PRELID1: variants seen among roughly 807,000 people sequenced by gnomAD.
PRELID1 encodes PRELI domain-containing protein 1, mitochondrial.
A neutral mutation model predicts 29.0 loss-of-function variants in PRELID1; 15 were observed. The observed-to-expected ratio is 0.52, with a 90% CI of 0.35 to 0.80. The LOEUF is 0.80. PRELID1 is among the 30% of genes least tolerant of loss of function. The probability of loss-of-function intolerance (pLI) is 0.01; values close to 1 mark genes in which losing one functional copy is unlikely to be tolerated. For missense variants in PRELID1, 187 were observed against 275.9 expected, an observed-to-expected ratio of 0.68 and a Z score of 2.28; for synonymous variants, 79 against 106.5, an observed-to-expected ratio of 0.74 and a Z score of 1.59.
chr5:177,305,700 G>A (rs370612149), intron 2 of PRELID1, 171 bp from the exon 3 acceptor site: 14 of 620,582 alleles, frequency 2.3e-5, no homozygotes, highest in East Asian at 8.3e-5. Context: ...AGAGCAAAAC[G>A]ACCTTATTTA....
chr5:177,305,292 C>T (rs754308364), intron 2 of PRELID1, among the ~76,000 whole-genome samples: 23 of 151,942 alleles, frequency 1.5e-4, no homozygotes, highest in Non-Finnish European at 3.1e-4. Context: ...CTGCCACTGC[C>T]ACCTCCTGGG....
chr5:177,305,732 C>T, intron 2 of PRELID1, 139 bp from the exon 3 acceptor site: 1 of 701,102 alleles, frequency 1.4e-6, no homozygotes. Flanking sequence ...TCTGTCAGTG[C>T]CACTTGGAGG....
Position 177,306,728 on chromosome 5 carries a change from A to G in PRELID1, c.*158A>G, listed in dbSNP as rs1760888296. The stretch of plus-strand genomic sequence containing the variant: ...TTGGCATCTGCAGTACACCAAGCAC[A>G]TGATTCATGTCTGAGCCAGGTCTGC... On this transcript the variant is annotated 3_prime_UTR_variant, in exon 5 of 5. Transcript: ENST00000303204. 4.3e-6 allele frequency: 5 copies of G among 1,154,558 alleles called. No homozygotes were observed. Among genetic ancestry groups the G allele is most frequent in the Middle Eastern group, 2.0e-4 (1 of 4,890 alleles). The allele number at this position is 1,154,558 out of a possible 1,614,324, so 71.5% of individuals were successfully genotyped here. A position where few individuals can be genotyped will look rare whatever the true frequency, so the allele number is the denominator to read the frequency against.
rs201454101 is a variant in PRELID1 at position 177,306,068 on chromosome 5, A to G, written c.433-30A>G. ...CTGGGCTGGGGTCAGTGGGCAACTC[A>G]GTATCCTTCCCATTCTCATCTCATG... On this transcript the variant is annotated intron_variant, in intron 3 of 4. Coordinates refer to ENST00000303204, the MANE Select transcript of PRELID1 (RefSeq NM_013237.4). 44 of 1,603,012 alleles carry G rather than the reference A, an allele frequency of 2.7e-5. No homozygotes were observed. In the East Asian group the frequency reaches 8.7e-4, roughly 32 times the overall value.
chr5:177,305,699 C>T lies in PRELID1; in HGVS notation c.319-172C>T, dbSNP rs542591923. On this transcript the variant is annotated intron_variant, in intron 2 of 4. Transcript: ENST00000303204. ...AGAAGAGAGGTTTTCGAGAGCAAAA[C>T]GACCTTATTTATGGCTTCTTGTTCT... is the stretch of plus-strand genomic sequence containing the variant. The T allele has an allele frequency of 5.5e-5, 34 of 620,834 alleles. No individual in the cohort carries two copies. In the East Asian group the frequency reaches 8.8e-4, roughly 16 times the overall value. The allele number at this position is 620,834 out of a possible 1,614,324, so 38.5% of individuals were successfully genotyped here.
chr5:177,304,239 G>A, intron 1 of PRELID1, 162 bp downstream of exon 1: 1 of 691,714 alleles, frequency 1.4e-6, no homozygotes, highest in South Asian at 1.8e-5. Context: ...CTGAAGGGAG[G>A]TTGGGCCTGG....
intron 4 of PRELID1, 60 bp downstream of exon 4, chr5:177,306,236 G>A (rs746400035): frequency 1.6e-5 from 25 of 1,580,736 alleles, no homozygotes; most frequent in Admixed American, 8.3e-5. Context: ...CCTAGCGGGC[G>A]TGGAGTCTGG....
intron 1 of PRELID1, 88 bp downstream of exon 1, chr5:177,304,165 G>T (rs1483961151): frequency 1.6e-6 from 2 of 1,265,636 alleles, no homozygotes; most frequent in African/African-American, 1.5e-5. Flanking sequence ...GGACCAGGAA[G>T]GACTCGATAT....
intron 2 of PRELID1, chr5:177,305,612 T>G (rs931155235): frequency 2.2e-5 from 11 of 491,416 alleles, no homozygotes; most frequent in African/African-American, 2.1e-4. Flanking sequence ...AGGAGCAGGA[T>G]GGGCTGGAAG....
chr5:177,305,051 C>T (rs1369334606), intron 2 of PRELID1, among the ~76,000 whole-genome samples: 1 of 152,160 alleles, frequency 6.6e-6, no homozygotes, highest in Non-Finnish European at 1.5e-5. Context: ...TGGACCTGTC[C>T]TTTGACTCAT....
Position 177,304,751 on chromosome 5 carries a change from T to G in PRELID1, c.219T>G (p.Asn73Lys), listed in dbSNP as rs1760811821. The G allele has an allele frequency of 6.2e-7, 1 of 1,613,796 alleles. No individual in the cohort carries two copies. Reference sequence around the variant, plus strand: ...GGGCCGAGCGACTATTTCCTGCCAATGTTGCTCACTCGGTGTACGTCCTGG... The same window carrying G: ...GGGCCGAGCGACTATTTCCTGCCAAGGTTGCTCACTCGGTGTACGTCCTGG... ...PRWAERLFPA[N>K]VAHSVYVLED... The change falls in exon 2 of 5, where the codon AAT becomes AAG. Residue 73 changes from asparagine to lysine, a missense_variant. By Grantham distance (94) the Asn-to-Lys change is moderately conservative. Coordinates refer to ENST00000303204, the MANE Select transcript of PRELID1 (RefSeq NM_013237.4).
At position 177,306,522 on chromosome 5, in the gene PRELID1, C is replaced by G. The variant is rs144966419; in HGVS notation, c.612C>G (p.Ala204=). Residue 204 remains alanine, a synonymous_variant, in exon 5 of 5, where the codon GCC becomes GCG. Transcript: ENST00000303204. ...CTACAGAGAAGGCCAAGGACCTCGC[C>G]AGCAAGGCGGCCACCAAGAAGCAGC... is the stretch of plus-strand genomic sequence containing the variant. ...LAATEKAKDL[A]SKAATKKQQQ... The G allele has an allele frequency of 1.7e-3, 2,805 of 1,612,642 alleles. 31 individuals carry two copies. In the African/African-American group the frequency reaches 0.031, roughly 18 times the overall value.
At chr5:177,305,822 G>C (rs1343589394) in intron 2 of PRELID1, 49 bp from the exon 3 acceptor site, 2 of 1,525,516 alleles carry the variant, frequency 1.3e-6, no homozygotes, top group African/African-American at 2.7e-5. Flanking sequence ...TTATGTGCAA[G>C]TTGGCAAAAT....
intron 2 of PRELID1, chr5:177,305,612 T>C (rs931155235): frequency 6.1e-6 from 3 of 491,416 alleles, no homozygotes; most frequent in Non-Finnish European, 1.1e-5. Context: ...AGGAGCAGGA[T>C]GGGCTGGAAG....
In PRELID1 at chr5:177,306,948, C is replaced by T. The variant is rs1470244850; in HGVS notation, c.*378C>T. On this transcript the variant is annotated 3_prime_UTR_variant, in exon 5 of 5. Transcript: ENST00000303204. ...ACACTCAATAAATACTTGTTGAATT[C>T]AGTTGGCCCCAGCTCTGGAGTCGGA... 1.0e-6 allele frequency: 1 copy of T among 971,060 alleles called. No homozygotes were observed. Among genetic ancestry groups the T allele is most frequent in the Admixed American group, 3.0e-5 (1 of 33,542 alleles). 60.2% of individuals were successfully genotyped at this position (971,060 alleles called of 1,614,324 possible).
rs1382338848 is a variant in PRELID1, at chr5:177,306,047, G to A, written c.433-51G>A. ...CCAGTGCTTTCGGTGTTGGGGCTGG[G>A]CTGGGGTCAGTGGGCAACTCAGTAT... is the stretch of plus-strand genomic sequence containing the variant. On this transcript the variant is annotated intron_variant, in intron 3 of 4. Transcript: ENST00000303204. 7.5e-6 allele frequency: 12 copies of A among 1,600,746 alleles called. No homozygotes were observed. In the South Asian group the frequency reaches 1.1e-4, roughly 15 times the overall value.
At position 177,306,760 on chromosome 5, in the gene PRELID1, TC is replaced by T; in HGVS notation, c.*193del. 1 of 1,011,842 alleles carries T rather than the reference TC, an allele frequency of 9.9e-7. No individual in the cohort carries two copies. The highest frequency in any genetic ancestry group is 1.4e-6 in the Non-Finnish European group (1 of 707,132). The allele number at this position is 1,011,842 out of a possible 1,614,324, so 62.7% of individuals were successfully genotyped here. ...ATGTCTGAGCCAGGTCTGCTTATTCTCCCATTGGGCAGCTGAGGACCGAGGC... is the reference window on the plus strand; with the variant it reads ...ATGTCTGAGCCAGGTCTGCTTATTCTCCATTGGGCAGCTGAGGACCGAGGC... On this transcript the variant is annotated 3_prime_UTR_variant, in exon 5 of 5. Transcript: ENST00000303204.
chr5:177,306,050 G>C (rs749971136), intron 3 of PRELID1, 48 bp from the exon 4 acceptor site: 1 of 1,599,150 alleles, frequency 6.3e-7, no homozygotes. Context: ...GGGCTGGGCT[G>C]GGGTCAGTGG....
chr5:177,306,258 C>A, intron 4 of PRELID1, 82 bp downstream of exon 4: 2 of 1,565,314 alleles, frequency 1.3e-6, no homozygotes, highest in South Asian at 2.2e-5. Context: ...TTAGTCATTG[C>A]CCTGCTCTGA....
Sources: gnomAD v4.1 joint callset for allele counts (sites outside exome capture counted in the v4.1 genomes callset) on GRCh38, gnomAD v4.1.1 for gene constraint, MANE v1.5 for transcripts, NCBI Gene and HGNC (gene_info 2026-07-23, HGNC 2026-07-21) for gene names.